The following BBS9 variants were observed in gnomAD, a reference collection of about 807,000 sequenced individuals.
The protein encoded by BBS9 is protein PTHB1.
In BBS9, 89 loss-of-function variants were observed where a neutral mutation model predicts 117.7. That is an observed-to-expected ratio of 0.76 (90% CI 0.64 to 0.90). BBS9 has a LOEUF of 0.90. Among genes scored for constraint, BBS9 ranks in the 40% least tolerant of loss-of-function variants. The pLI is 0.00. For missense variants in BBS9, 982 were observed against 1,042.2 expected, an observed-to-expected ratio of 0.94 and a Z score of 0.80; for synonymous variants, 379 against 370.9, an observed-to-expected ratio of 1.02 and a Z score of -0.25.
intron 17 of BBS9, among the ~76,000 whole-genome samples, chr7:33,370,686 C>T (rs1165217595): frequency 1.3e-5 from 2 of 152,114 alleles, no homozygotes; most frequent in South Asian, 2.1e-4. Context: ...TATGTAAATA[C>T]GTGTATATTC....
At chr7:33,268,674 G>T (rs1270886924) in intron 7 of BBS9, among the ~76,000 whole-genome samples, 2 of 151,994 alleles carry the variant, frequency 1.3e-5, no homozygotes, top group Admixed American at 6.6e-5. Context: ...GCAAATTTCT[G>T]TGTTTTATGA....
chr7:33,623,367 G>A (rs1451891340), intron 21 of BBS9, among the ~76,000 whole-genome samples: 1 of 152,048 alleles, frequency 6.6e-6, no homozygotes, highest in Non-Finnish European at 1.5e-5. Context: ...AGGAGAAAAA[G>A]GAGAAGTCTA....
chr7:33,332,956 C>A (rs987493223), intron 9 of BBS9, among the ~76,000 whole-genome samples: 1 of 152,118 alleles, frequency 6.6e-6, no homozygotes, highest in Non-Finnish European at 1.5e-5. Context: ...TATCCATCTC[C>A]AGAACTTTTT....
intron 21 of BBS9, among the ~76,000 whole-genome samples, chr7:33,542,713 G>A (rs1049607941): frequency 3.5e-5 from 5 of 144,474 alleles, no homozygotes; most frequent in Non-Finnish European, 5.9e-5. Flanking sequence ...GTGTGTGTGT[G>A]TGTGTGTGTG....
intron 19 of BBS9, among the ~76,000 whole-genome samples, chr7:33,405,755 C>G (rs868592681): frequency 6.6e-6 from 1 of 151,938 alleles, no homozygotes; most frequent in Non-Finnish European, 1.5e-5. Context: ...ATTAGTCTTG[C>G]TAGCGGTCTA....
intron 21 of BBS9, among the ~76,000 whole-genome samples, chr7:33,566,805 A>G (rs749117956): frequency 6.6e-6 from 1 of 152,210 alleles, no homozygotes; most frequent in Non-Finnish European, 1.5e-5. Context: ...CTTAAATTTC[A>G]TTGAAGAAGA....
intron 19 of BBS9, among the ~76,000 whole-genome samples, chr7:33,417,526 T>C (rs1261175347): frequency 1.3e-5 from 2 of 152,216 alleles, no homozygotes; most frequent in Non-Finnish European, 2.9e-5. Context: ...TTTCATCTCC[T>C]ATGATGATTT....
chr7:33,405,050 A>G (rs1584686780), intron 19 of BBS9, among the ~76,000 whole-genome samples: 1 of 152,280 alleles, frequency 6.6e-6, no homozygotes, highest in African/African-American at 2.4e-5. Flanking sequence ...AGTTTTTAGC[A>G]TGAAGTGTTG....
At chr7:33,325,624 C>A (rs1252290162) in intron 9 of BBS9, among the ~76,000 whole-genome samples, 1 of 152,042 alleles carries the variant, frequency 6.6e-6, no homozygotes, top group Non-Finnish European at 1.5e-5. Context: ...GTCCTTTTTT[C>A]TGAAGGCTTT....
At chr7:33,192,906 T>G (rs1388925227) in intron 5 of BBS9, among the ~76,000 whole-genome samples, 4 of 152,210 alleles carry the variant, frequency 2.6e-5, no homozygotes, top group African/African-American at 9.7e-5. Context: ...AGGGTGAAGC[T>G]CTCATTACTT....
intron 19 of BBS9, among the ~76,000 whole-genome samples, chr7:33,483,806 T>G (rs999120946): frequency 3.3e-5 from 5 of 152,238 alleles, no homozygotes; most frequent in African/African-American, 1.2e-4. Context: ...TTTTATTTAT[T>G]TATTTATTTT....
intron 21 of BBS9, among the ~76,000 whole-genome samples, chr7:33,604,243 T>C (rs1308013128): frequency 6.6e-6 from 1 of 152,228 alleles, no homozygotes. Flanking sequence ...AAATGAGTTA[T>C]ACCCAGTACT....
chr7:33,185,908 C>T (rs1323453513), intron 5 of BBS9, among the ~76,000 whole-genome samples: 1 of 152,140 alleles, frequency 6.6e-6, no homozygotes, highest in Admixed American at 6.5e-5. Context: ...TGGCAGTCCT[C>T]TATAACTTTT....
At chr7:33,600,692 A>C (rs572350854) in intron 21 of BBS9, among the ~76,000 whole-genome samples, 12 of 152,192 alleles carry the variant, frequency 7.9e-5, no homozygotes. Flanking sequence ...ATGAGGACAC[A>C]GTAGCTACCC....
intron 9 of BBS9, among the ~76,000 whole-genome samples, chr7:33,294,321 CT>C (rs1466410685): frequency 7.0e-6 from 1 of 143,796 alleles, no homozygotes. Context: ...ATCTATCTAT[CT>C]ATCTATCTAT....
chr7:33,455,778 A>AT (rs1838574215), intron 19 of BBS9, among the ~76,000 whole-genome samples: 1 of 152,196 alleles, frequency 6.6e-6, no homozygotes, highest in Admixed American at 6.5e-5. Flanking sequence ...GGATTGTATT[A>AT]ATAAGAAAAA....
intron 21 of BBS9, among the ~76,000 whole-genome samples, chr7:33,582,805 C>A (rs2129163464): frequency 6.6e-6 from 1 of 152,218 alleles, no homozygotes; most frequent in East Asian, 1.9e-4. Context: ...TGGCAACATC[C>A]TTTCCCATCC....
At chr7:33,616,340 T>G (rs1012571105) in intron 21 of BBS9, among the ~76,000 whole-genome samples, 4 of 150,914 alleles carry the variant, frequency 2.7e-5, no homozygotes, top group African/African-American at 9.7e-5. Flanking sequence ...TATTTTGTTG[T>G]TATAAGGTAT....
intron 19 of BBS9, among the ~76,000 whole-genome samples, chr7:33,452,890 T>C (rs909784934): frequency 4.6e-5 from 7 of 152,204 alleles, no homozygotes; most frequent in African/African-American, 1.4e-4. Flanking sequence ...TGTAATTTCT[T>C]CTGGCTGAAT....
Sources: gnomAD v4.1 joint callset for allele counts (sites outside exome capture counted in the v4.1 genomes callset) on GRCh38, gnomAD v4.1.1 for gene constraint, MANE v1.5 for transcripts, NCBI Gene and HGNC (gene_info 2026-07-23, HGNC 2026-07-21) for gene names.